Variants in FARS2 observed in about 807,000 individuals in gnomAD.
The protein encoded by FARS2 is phenylalanyl-tRNA synthetase 2, mitochondrial.
In FARS2, 40 loss-of-function variants were observed where a neutral mutation model predicts 46.4. That is an observed-to-expected ratio of 0.86 (90% CI 0.67 to 1.12). The LOEUF is 1.12. Among genes scored for constraint, FARS2 ranks in the 50% most tolerant of loss-of-function variants. The pLI is 0.00. For synonymous variants in FARS2, 234 were observed against 214.9 expected, an observed-to-expected ratio of 1.09 and a Z score of -0.78; for missense variants, 513 against 567.9, an observed-to-expected ratio of 0.90 and a Z score of 0.98.
intron 2 of FARS2, among the ~76,000 whole-genome samples, chr6:5,387,046 A>C (rs1164535231): frequency 1.3e-5 from 2 of 152,128 alleles, no homozygotes; most frequent in African/African-American, 4.8e-5. Flanking sequence ...CGTGAAGAAG[A>C]CCAAAAAAGA....
chr6:5,532,090 G>C (rs1373494702), intron 4 of FARS2, among the ~76,000 whole-genome samples: 2 of 152,178 alleles, frequency 1.3e-5, no homozygotes, highest in African/African-American at 4.8e-5. Context: ...GAAATCTACT[G>C]TTATGTGAGC....
chr6:5,426,895 G>T (rs1347196168), intron 3 of FARS2, among the ~76,000 whole-genome samples: 1 of 152,080 alleles, frequency 6.6e-6, no homozygotes, highest in Non-Finnish European at 1.5e-5. Flanking sequence ...TGAAGTACTG[G>T]GATTACAGGC....
At chr6:5,251,563 A>G in the FARS2 span, among the ~76,000 whole-genome samples, 1 of 152,178 alleles carries the variant, frequency 6.6e-6, no homozygotes, top group Non-Finnish European at 1.5e-5. Context: ...CTTTAAAACA[A>G]CCGGATCTCA....
chr6:5,769,496 G>T (rs1325596625), intron 6 of FARS2, among the ~76,000 whole-genome samples: 1 of 152,246 alleles, frequency 6.6e-6, no homozygotes, highest in Non-Finnish European at 1.5e-5. Context: ...GAGGAGAAAA[G>T]ACCACTCTAC....
intron 4 of FARS2, among the ~76,000 whole-genome samples, chr6:5,511,515 A>AT (rs1207304819): frequency 1.3e-5 from 2 of 152,254 alleles, no homozygotes; most frequent in African/African-American, 4.8e-5. Context: ...CAATTAAGAA[A>AT]TAATACCCTG....
chr6:5,766,233 T>A (rs1010276304), intron 6 of FARS2, among the ~76,000 whole-genome samples: 11 of 152,262 alleles, frequency 7.2e-5, no homozygotes, highest in African/African-American at 2.7e-4. Context: ...CTTGTCCTGA[T>A]GAGTGTGCCT....
chr6:5,447,246 A>T (rs1764234077), intron 4 of FARS2, among the ~76,000 whole-genome samples: 1 of 152,134 alleles, frequency 6.6e-6, no homozygotes, highest in African/African-American at 2.4e-5. Flanking sequence ...GTGGGCAGAG[A>T]GGGGGCCAGA....
At chr6:5,349,123 A>C (rs1283977131) in intron 1 of FARS2, among the ~76,000 whole-genome samples, 1 of 152,224 alleles carries the variant, frequency 6.6e-6, no homozygotes, top group Non-Finnish European at 1.5e-5. Context: ...CTAATAAGTG[A>C]GTTCTGCAAG....
chr6:5,523,510 G>A (rs533612271), intron 4 of FARS2, among the ~76,000 whole-genome samples: 1 of 151,834 alleles, frequency 6.6e-6, no homozygotes, highest in Non-Finnish European at 1.5e-5. Flanking sequence ...CATGGGCGAT[G>A]TCATATCTGG....
intron 1 of FARS2, among the ~76,000 whole-genome samples, chr6:5,353,151 TGTGA>T (rs1757681289): frequency 6.6e-6 from 1 of 152,214 alleles, no homozygotes; most frequent in South Asian, 2.1e-4. Context: ...AGTGAGATCA[TGTGA>T]TTTTTGTCTT....
chr6:5,307,795 C>G (rs576125779), intron 1 of FARS2, among the ~76,000 whole-genome samples: 61 of 152,120 alleles, frequency 4.0e-4, no homozygotes, highest in Non-Finnish European at 6.8e-4. Context: ...CACCTGCCAG[C>G]ATCTCGGTGG....
At chr6:5,369,732 A>T (rs77063710) in intron 2 of FARS2, among the ~76,000 whole-genome samples, 2 of 152,012 alleles carry the variant, frequency 1.3e-5, no homozygotes, top group African/African-American at 4.8e-5. Flanking sequence ...TTGCTGTGGG[A>T]TGTCTTAATT....
intron 4 of FARS2, among the ~76,000 whole-genome samples, chr6:5,474,737 T>C (rs1380944252): frequency 6.7e-6 from 1 of 150,374 alleles, no homozygotes; most frequent in Non-Finnish European, 1.5e-5. Flanking sequence ...CTCTGTTCAC[T>C]GCAACCTCTT....
chr6:5,426,690 A>G (rs527803036), intron 3 of FARS2, among the ~76,000 whole-genome samples: 7 of 152,304 alleles, frequency 4.6e-5, no homozygotes, highest in African/African-American at 1.7e-4. Flanking sequence ...CAGTGGCGCA[A>G]TCTTGGCTCA....
intron 2 of FARS2, among the ~76,000 whole-genome samples, chr6:5,394,078 A>G (rs1760746694): frequency 6.6e-6 from 1 of 152,244 alleles, no homozygotes; most frequent in African/African-American, 2.4e-5. Context: ...GTAACTACAT[A>G]ATGACATTAC....
intron 1 of FARS2, among the ~76,000 whole-genome samples, chr6:5,307,581 C>T (rs190052759): frequency 6.7e-4 from 102 of 152,320 alleles, no homozygotes; most frequent in Non-Finnish European, 1.3e-3. Flanking sequence ...ATGTACAAAA[C>T]TAACCATATA....
chr6:5,464,352 G>A (rs868706557), intron 4 of FARS2, among the ~76,000 whole-genome samples: 2 of 152,184 alleles, frequency 1.3e-5, no homozygotes, highest in Non-Finnish European at 2.9e-5. Flanking sequence ...ACCTGGACTG[G>A]CCCTCAGGCC....
chr6:5,400,336 A>G (rs548556800), intron 2 of FARS2, among the ~76,000 whole-genome samples: 2 of 151,626 alleles, frequency 1.3e-5, no homozygotes, highest in South Asian at 4.2e-4. Flanking sequence ...TCTTTACGTT[A>G]GTGGTATTAC....
At chr6:5,442,081 A>G (rs1051202555) in intron 4 of FARS2, among the ~76,000 whole-genome samples, 90 of 152,302 alleles carry the variant, frequency 5.9e-4, no homozygotes, top group Non-Finnish European at 3.5e-4. Flanking sequence ...CCTGGGTGGT[A>G]GAGTGAGACC....
Sources: allele counts gnomAD v4.1 joint callset (sites outside exome capture counted in the v4.1 genomes callset), GRCh38; gene constraint gnomAD v4.1.1; transcripts MANE v1.5; gene names NCBI Gene and HGNC (gene_info 2026-07-23, HGNC 2026-07-21).